Variants in ZFHX3 observed in about 807,000 individuals in gnomAD.
ZFHX3 encodes zinc finger homeobox protein 3.
Under a neutral mutation model 279.1 loss-of-function variants are expected in ZFHX3, and 42 were observed. The ratio of observed to expected loss-of-function variants is 0.15; its 90% CI spans 0.12 to 0.19. The LOEUF (loss-of-function observed/expected upper bound fraction) is 0.19, where lower values mean the gene tolerates loss of function less well. ZFHX3 is among the 10% of genes least tolerant of loss of function. The pLI is 1.00. For synonymous variants in ZFHX3, 2,293 were observed against 1,957.8 expected (o/e 1.17, Z -4.52); for missense variants, 4,981 against 4,754.0 (o/e 1.05, Z -1.40).
intron 2 of ZFHX3, among the ~76,000 whole-genome samples, chr16:73,634,434 A>T (rs1383357): frequency 0.41 from 1,055 of 2,602 alleles, 12 homozygotes; most frequent in Admixed American, 0.45. Flanking sequence ...ATTATGTATA[A>T]TATATATATA....
In ZFHX3 at chr16:73,790,805, A is replaced by C. The variant is rs1347180882; in HGVS notation, c.-1608+100846T>G. Among the ~76,000 whole-genome samples the C allele has an allele frequency of 4.6e-5, 7 of 152,366 alleles. No individual in the cohort carries two copies. In the East Asian group the frequency reaches 1.4e-3, roughly 29 times the overall value. On this transcript the variant is annotated intron_variant, in intron 1 of 17. Transcript: ENST00000641206. ...ACCAAAGTTGCTCAGCAGAAATTAC[A>C]AAGTTCCCTGGAAAATGAGAAACTC...
intron 1 of ZFHX3, among the ~76,000 whole-genome samples, chr16:73,788,219 G>A (rs1959713399): frequency 6.6e-6 from 1 of 152,224 alleles, no homozygotes. Flanking sequence ...AAAATACCAC[G>A]ACCTCACTCT....
intron 2 of ZFHX3, among the ~76,000 whole-genome samples, chr16:73,646,949 G>T: frequency 6.6e-6 from 1 of 151,550 alleles, no homozygotes; most frequent in Non-Finnish European, 1.5e-5. Flanking sequence ...TACGCAGGGA[G>T]AATCTGAGAA....
chr16:73,699,784 C>G (rs2053230094), intron 1 of ZFHX3, among the ~76,000 whole-genome samples: 2 of 152,274 alleles, frequency 1.3e-5, no homozygotes, highest in African/African-American at 4.8e-5. Flanking sequence ...CACCAGTGAC[C>G]CTGCCTGTAC....
At chr16:73,287,471 GGT>G (rs2014647840) in intron 4 of ZFHX3, among the ~76,000 whole-genome samples, 1 of 140,424 alleles carries the variant, frequency 7.1e-6, no homozygotes, top group Non-Finnish European at 1.6e-5. Flanking sequence ...TGTGTGGGTC[GGT>G]GTGTGGCTGT....
intron 1 of ZFHX3, among the ~76,000 whole-genome samples, chr16:73,715,762 C>T (rs778773697): frequency 5.3e-5 from 8 of 151,478 alleles, no homozygotes; most frequent in Non-Finnish European, 1.2e-4. Flanking sequence ...TTAGTTGAGT[C>T]GGGGTTTCAC....
At chr16:73,678,181 T>C (rs963467617) in intron 2 of ZFHX3, among the ~76,000 whole-genome samples, 4 of 152,134 alleles carry the variant, frequency 2.6e-5, no homozygotes, top group Non-Finnish European at 5.9e-5. Context: ...AAAAACTAAA[T>C]GTTCATTTTT....
intron 1 of ZFHX3, among the ~76,000 whole-genome samples, chr16:73,045,735 T>A (rs556876899): frequency 1.4e-5 from 2 of 144,778 alleles, no homozygotes; most frequent in Non-Finnish European, 3.0e-5. Flanking sequence ...CAACACTGTT[T>A]TCAGGAGAAA....
chr16:72,955,578 A>G (rs1961213896), intron 2 of ZFHX3, among the ~76,000 whole-genome samples: 1 of 152,162 alleles, frequency 6.6e-6, no homozygotes, highest in Non-Finnish European at 1.5e-5. Context: ...CAAGGGTTTG[A>G]GACCAGCCTG....
chr16:73,733,561 T>A (rs1471769173), intron 1 of ZFHX3, among the ~76,000 whole-genome samples: 1 of 152,216 alleles, frequency 6.6e-6, no homozygotes, highest in Non-Finnish European at 1.5e-5. Flanking sequence ...GCTCTATGAA[T>A]TTTCTTTCTT....
At chr16:73,469,863 G>A (rs556409231) in intron 2 of ZFHX3, among the ~76,000 whole-genome samples, 1 of 152,206 alleles carries the variant, frequency 6.6e-6, no homozygotes, top group Admixed American at 6.5e-5. Context: ...TGATGCACCC[G>A]CCTCAGCCTC....
At chr16:73,440,330 A>G (rs1241513024) in intron 3 of ZFHX3, among the ~76,000 whole-genome samples, 1 of 152,234 alleles carries the variant, frequency 6.6e-6, no homozygotes, top group East Asian at 1.9e-4. Flanking sequence ...TCCAAGAGGC[A>G]TTTGAGTCCA....
At chr16:73,070,783 C>G (rs1279985636) in intron 8 of ZFHX3, among the ~76,000 whole-genome samples, 1 of 151,830 alleles carries the variant, frequency 6.6e-6, no homozygotes, top group Non-Finnish European at 1.5e-5. Flanking sequence ...GGTATCCATC[C>G]TCTCTGCCTC....
At position 73,765,083 on chromosome 16, in the gene ZFHX3, T is replaced by A. The variant is rs142107681; in HGVS notation, c.-1607-84843A>T. ...CCCGAAATGTCTGCCTTTCGTTTCC[T>A]TCTCAAAGTTGCTAAAAGGCCACCT... On this transcript the variant is annotated intron_variant, in intron 1 of 17. Transcript: ENST00000641206. Among the ~76,000 whole-genome samples the A allele has an allele frequency of 3.8e-4, 58 of 152,348 alleles. 1 individual carries two copies. In the East Asian group the frequency reaches 0.01, roughly 27 times the overall value.
intron 2 of ZFHX3, among the ~76,000 whole-genome samples, chr16:73,506,100 T>C (rs2019321543): frequency 6.6e-6 from 1 of 152,136 alleles, no homozygotes. Flanking sequence ...ACAAAGATAA[T>C]AGAAACCTAG....
intron 7 of ZFHX3, among the ~76,000 whole-genome samples, chr16:72,811,182 G>C (rs79990771): frequency 3.9e-5 from 6 of 152,248 alleles, no homozygotes; most frequent in African/African-American, 1.2e-4. Flanking sequence ...AGTGTGCCTG[G>C]CTCCCTTTTA....
intron 1 of ZFHX3, among the ~76,000 whole-genome samples, chr16:73,787,539 A>G (rs572523218): frequency 1.3e-5 from 2 of 152,202 alleles, no homozygotes; most frequent in African/African-American, 4.8e-5. Context: ...CACCATTAAC[A>G]ATTTGGGTGA....
intron 1 of ZFHX3, among the ~76,000 whole-genome samples, chr16:73,819,955 C>A (rs1471568347): frequency 6.6e-6 from 1 of 152,192 alleles, no homozygotes; most frequent in African/African-American, 2.4e-5. Context: ...TGTCTCTCAT[C>A]CCACCAACTC....
intron 1 of ZFHX3, among the ~76,000 whole-genome samples, chr16:73,837,303 C>G (rs1425655846): frequency 6.6e-6 from 1 of 152,124 alleles, no homozygotes; most frequent in Non-Finnish European, 1.5e-5. Flanking sequence ...CCCTGTAAAC[C>G]CAAATTTCTA....
Sources: gnomAD v4.1 joint callset for allele counts (sites outside exome capture counted in the v4.1 genomes callset) on GRCh38, gnomAD v4.1.1 for gene constraint, MANE v1.5 for transcripts, NCBI Gene and HGNC (gene_info 2026-07-23, HGNC 2026-07-21) for gene names.